ATP9B: variants seen among roughly 807,000 people sequenced by gnomAD.
The protein encoded by ATP9B is probable phospholipid-transporting ATPase IIB.
ATP9B carries 110 observed loss-of-function variants against 146.1 expected under a neutral mutation model. The ratio of observed to expected loss-of-function variants is 0.75; its 90% CI spans 0.65 to 0.88. The LOEUF is 0.88. Ranked by LOEUF, ATP9B falls within the 40% of genes least tolerant of loss-of-function variation. ATP9B has a pLI of 0.00. For missense variants in ATP9B, 1,499 were observed against 1,496.4 expected (o/e 1.00, Z -0.03); for synonymous variants, 604 against 569.7 (o/e 1.06, Z -0.86).
At chr18:79,268,460 T>C (rs1488475364) in intron 12 of ATP9B, among the ~76,000 whole-genome samples, 2 of 152,196 alleles carry the variant, frequency 1.3e-5, no homozygotes, top group African/African-American at 2.4e-5. Context: ...TTTTTTGTAA[T>C]GCAACTTTTT....
chr18:79,184,414 C>T (rs1343253987), intron 8 of ATP9B, among the ~76,000 whole-genome samples: 2 of 152,086 alleles, frequency 1.3e-5, no homozygotes, highest in Admixed American at 1.3e-4. Flanking sequence ...TCGTGCGTCA[C>T]TCCAGCCTGC....
rs144708222 is a variant in ATP9B, at chr18:79,318,908, A to C, written c.1774-10233A>C. Among the ~76,000 whole-genome samples the C allele has an allele frequency of 2.4e-3, 365 of 152,346 alleles. 1 individual carries two copies. The highest frequency in any genetic ancestry group is 6.4e-3 in the South Asian group (31 of 4,828). ...GATCACCCAGTAATATTTCCTCTGCAGAACGAGGTGACCACTCTGGGTGGT... is the reference window on the plus strand; with the variant it reads ...GATCACCCAGTAATATTTCCTCTGCCGAACGAGGTGACCACTCTGGGTGGT... On this transcript the variant is annotated intron_variant, in intron 15 of 29. Transcript: ENST00000426216.
At chr18:79,130,842 A>G (rs1331280000) in intron 5 of ATP9B, among the ~76,000 whole-genome samples, 1 of 152,192 alleles carries the variant, frequency 6.6e-6, no homozygotes, top group Non-Finnish European at 1.5e-5. Flanking sequence ...TAAGAATTCT[A>G]TATCTGGTAA....
At chr18:79,271,573 A>AT (rs1232660960) in intron 12 of ATP9B, among the ~76,000 whole-genome samples, 1 of 151,984 alleles carries the variant, frequency 6.6e-6, no homozygotes, top group Non-Finnish European at 1.5e-5. Flanking sequence ...TGAACTCATC[A>AT]TTTTTTATGG....
intron 6 of ATP9B, among the ~76,000 whole-genome samples, chr18:79,153,284 T>G (rs1397012225): frequency 6.6e-6 from 1 of 152,234 alleles, no homozygotes; most frequent in Non-Finnish European, 1.5e-5. Context: ...CTGATATAGC[T>G]TTCCCAGTTG....
In ATP9B at chr18:79,069,524, C is replaced by T. The variant is rs1490885050; in HGVS notation, c.114C>T (p.His38=). The T allele has an allele frequency of 1.4e-6, 2 of 1,387,660 alleles. No homozygotes were observed. The highest frequency in any genetic ancestry group is 1.9e-6 in the Non-Finnish European group (2 of 1,067,636). 86.0% of individuals were successfully genotyped at this position (1,387,660 alleles called of 1,614,324 possible). A position where few individuals can be genotyped will look rare whatever the true frequency, so the allele number is the denominator to read the frequency against. ...AAGPRPGADR[H]SRYQLEDESA... is the part of the protein sequence containing the mutation. Reference sequence around the variant, plus strand: ...GGCCCAGGCCGGGAGCCGACCGGCACAGCAGGTAACCGAGGCGGCACTGGC... The same window carrying T: ...GGCCCAGGCCGGGAGCCGACCGGCATAGCAGGTAACCGAGGCGGCACTGGC... The change falls in exon 1 of 30, where the codon CAC becomes CAT. Residue 38 remains histidine (H), a synonymous_variant. Coordinates refer to ENST00000426216, the MANE Select transcript of ATP9B (RefSeq NM_198531.5).
intron 17 of ATP9B, chr18:79,332,750 A>G (rs972599038): frequency 1.3e-5 from 2 of 152,266 alleles, no homozygotes; most frequent in African/African-American, 4.8e-5. Flanking sequence ...GACAGGAGGT[A>G]TAATGAATGA....
At chr18:79,146,738 G>T in intron 6 of ATP9B, 2 of 163,728 alleles carry the variant, frequency 1.2e-5, no homozygotes, top group South Asian at 3.0e-4. Context: ...TGTTAAGGGA[G>T]TTCGTTCCTA....
chr18:79,307,304 C>A, intron 15 of ATP9B, 70 bp downstream of exon 15: 1 of 1,595,460 alleles, frequency 6.3e-7, no homozygotes, highest in Admixed American at 1.7e-5. Context: ...AGGATTCATT[C>A]TTTCTGGGAT....
intron 11 of ATP9B, among the ~76,000 whole-genome samples, chr18:79,246,294 C>T (rs34327902): frequency 2.4e-5 from 2 of 84,338 alleles, no homozygotes; most frequent in African/African-American, 1.4e-4. Flanking sequence ...ACTGTCTGTG[C>T]GGAGGGCACC....
intron 12 of ATP9B, among the ~76,000 whole-genome samples, chr18:79,268,047 ATTG>A (rs2096221103): frequency 6.6e-6 from 1 of 152,116 alleles, no homozygotes; most frequent in Admixed American, 6.5e-5. Context: ...ACAAATTTAA[ATTG>A]TTGTCTATAT....
chr18:79,261,134 T>TA (rs1394147305), intron 12 of ATP9B, among the ~76,000 whole-genome samples: 1 of 152,156 alleles, frequency 6.6e-6, no homozygotes, highest in Non-Finnish European at 1.5e-5. Context: ...ATTTTGGACT[T>TA]AATGTTGATG....
In ATP9B at chr18:79,356,846, TGGAGGTGTCC is replaced by T. The variant is rs2096957682; in HGVS notation, c.2904-2506_2904-2497del. Reference sequence around the variant, plus strand: ...GTCTGTGTGAGGGATGCTCTGGGTCTGGAGGTGTCCGTGTGAGGGACCCTGTGTGAGGGAT... The same window carrying T: ...GTCTGTGTGAGGGATGCTCTGGGTCTGTGTGAGGGACCCTGTGTGAGGGAT... On this transcript the variant is annotated intron_variant, in intron 25 of 29. Coordinates refer to ENST00000426216, the MANE Select transcript of ATP9B (RefSeq NM_198531.5). Among the ~76,000 whole-genome samples the T allele has an allele frequency of 1.9e-4, 6 of 31,420 alleles. 2 individuals carry two copies. Among genetic ancestry groups the T allele is most frequent in the Admixed American group, 7.3e-4 (2 of 2,724 alleles). 20.6% of individuals were successfully genotyped at this position (31,420 alleles called of 152,430 possible). A position where few individuals can be genotyped will look rare whatever the true frequency, so the allele number is the denominator to read the frequency against.
At chr18:79,121,461 A>G (rs897905187) in intron 4 of ATP9B, among the ~76,000 whole-genome samples, 3 of 152,174 alleles carry the variant, frequency 2.0e-5, no homozygotes, top group Non-Finnish European at 4.4e-5. Flanking sequence ...AAGTGCTCCT[A>G]CAGTAAGACT....
chr18:79,264,630 GAAGCT>G (rs1186778324), intron 12 of ATP9B, among the ~76,000 whole-genome samples: 1 of 150,574 alleles, frequency 6.6e-6, no homozygotes, highest in African/African-American at 2.4e-5. Context: ...TTATCTTCTA[GAAGCT>G]TAACTGTTTT....
At chr18:79,315,153 A>G (rs1474100590) in intron 15 of ATP9B, among the ~76,000 whole-genome samples, 1 of 152,248 alleles carries the variant, frequency 6.6e-6, no homozygotes, top group Non-Finnish European at 1.5e-5. Context: ...AGAATCAGCT[A>G]TAATTAATGA....
chr18:79,335,777 AC>A (rs1296247065), intron 17 of ATP9B, among the ~76,000 whole-genome samples: 2 of 152,250 alleles, frequency 1.3e-5, no homozygotes, highest in African/African-American at 2.4e-5. Context: ...AGAAGAACTT[AC>A]GCAGATTCAC....
At chr18:79,362,473 A>G (rs1171583805) in intron 26 of ATP9B, 2 of 152,252 alleles carry the variant, frequency 1.3e-5, no homozygotes, top group Non-Finnish European at 2.9e-5. Context: ...TATATTTGCA[A>G]CACTATTTTG....
Position 79,253,516 on chromosome 18 carries a change from C to G in ATP9B, c.1243C>G (p.Leu415Val). 2 of 1,601,708 alleles carry G rather than the reference C, an allele frequency of 1.2e-6. No homozygotes were observed. Among genetic ancestry groups the G allele is most frequent in the South Asian group, 1.1e-5 (1 of 88,048 alleles). ...WYRNLFRFLL[L>V]FSYIIPISLR... is the part of the protein sequence containing the mutation. ...CCGCAATCTTTTTCGGTTCCTTCTCCTCTTTTCTTACATCATTCCCATAAG... is the reference window on the plus strand; with the variant it reads ...CCGCAATCTTTTTCGGTTCCTTCTCGTCTTTTCTTACATCATTCCCATAAG... Residue 415 changes from leucine (L) to valine (V), a missense_variant, in exon 12 of 30, where the codon CTC becomes GTC. Physicochemically the swap from Leu to Val is conservative, Grantham distance 32 (BLOSUM62 1). Transcript: ENST00000426216.
Sources: gnomAD v4.1 joint callset for allele counts (sites outside exome capture counted in the v4.1 genomes callset) on GRCh38, gnomAD v4.1.1 for gene constraint, MANE v1.5 for transcripts, NCBI Gene and HGNC (gene_info 2026-07-23, HGNC 2026-07-21) for gene names.